FLT1: variants seen among roughly 807,000 people sequenced by gnomAD.
The protein encoded by FLT1 is fms related receptor tyrosine kinase 1.
A neutral mutation model predicts 156.3 loss-of-function variants in FLT1; 49 were observed. The observed-to-expected ratio is 0.31, with a 90% confidence interval of 0.25 to 0.40. The LOEUF is 0.40. Ranked by LOEUF, FLT1 falls within the 10% of genes least tolerant of loss-of-function variation. The pLI is 1.00. For missense variants in FLT1, 1,322 were observed against 1,637.2 expected, an observed-to-expected ratio of 0.81 and a Z score of 3.32; for synonymous variants, 594 against 583.8, an observed-to-expected ratio of 1.02 and a Z score of -0.25.
At chr13:28,323,787 G>A (rs1221975090) in intron 20 of FLT1, among the ~76,000 whole-genome samples, 1 of 152,110 alleles carries the variant, frequency 6.6e-6, no homozygotes, top group African/African-American at 2.4e-5. Context: ...CAGTGTGCTT[G>A]GTGCTTCACT....
At chr13:28,409,419 T>A (rs1379076083) in intron 10 of FLT1, among the ~76,000 whole-genome samples, 1 of 151,888 alleles carries the variant, frequency 6.6e-6, no homozygotes, top group African/African-American at 2.4e-5. Context: ...ATTACAGCCT[T>A]GACCTCCTGG....
rs906096625 is a variant in FLT1, at chr13:28,453,845, C to T, written c.388+13058G>A. 3.1e-4 allele frequency among the ~76,000 whole-genome samples: 47 copies of T among 152,134 alleles called. 2 individuals are homozygous for T. Among genetic ancestry groups the T allele is most frequent in the Non-Finnish European group, 8.8e-5 (6 of 68,014 alleles). ...TGTGTACTATACCCTGTGCTGGGTC[C>T]TGGGGCTATCATGGTAAGCAGGACG... On this transcript the variant is annotated intron_variant, in intron 3 of 29. Coordinates refer to ENST00000282397, the MANE Select transcript of FLT1 (RefSeq NM_002019.4).
chr13:28,481,228 G>A lies in FLT1; in HGVS notation c.64+13552C>T, dbSNP rs569714558. 7.9e-5 allele frequency among the ~76,000 whole-genome samples: 12 copies of A among 152,208 alleles called. No homozygotes were observed. The South Asian group carries it at 2.5e-3, about 32-fold the overall frequency. ...GCTCATCTCAAGGAAAATATCTCCT[G>A]GGAAGCAATTCTCTAGAAGATGGGC... On this transcript the variant is annotated intron_variant, in intron 1 of 29. Coordinates refer to ENST00000282397, the MANE Select transcript of FLT1 (RefSeq NM_002019.4).
intron 4 of FLT1, among the ~76,000 whole-genome samples, chr13:28,437,216 G>C (rs906416433): frequency 2.6e-5 from 4 of 152,188 alleles, no homozygotes; most frequent in African/African-American, 9.7e-5. Context: ...CACAAATGTA[G>C]TGGAGGCCAA....
At chr13:28,477,029 T>A (rs1880589208) in intron 1 of FLT1, among the ~76,000 whole-genome samples, 1 of 152,214 alleles carries the variant, frequency 6.6e-6, no homozygotes, top group South Asian at 2.1e-4. Flanking sequence ...TCATTTTTCC[T>A]TAAGCTTCAG....
At chr13:28,321,688 T>A (rs1871468238) in intron 22 of FLT1, 103 bp from the exon 23 acceptor site, 2 of 1,196,260 alleles carry the variant, frequency 1.7e-6, no homozygotes. Context: ...CCATTTCACA[T>A]GCTGTGAAGG....
intron 13 of FLT1, chr13:28,388,711 T>A (rs1874519565): frequency 9.5e-7 from 1 of 1,057,432 alleles, no homozygotes; most frequent in African/African-American, 1.6e-5. Flanking sequence ...AGTGGACTTT[T>A]TTAAAGGGCA....
At chr13:28,377,255 T>G (rs575429458) in intron 14 of FLT1, among the ~76,000 whole-genome samples, 2 of 152,324 alleles carry the variant, frequency 1.3e-5, no homozygotes, top group South Asian at 4.1e-4. Context: ...CAGTTCTAAT[T>G]TGGAGCCCCT....
At chr13:28,461,809 C>G (rs1239366656) in intron 3 of FLT1, among the ~76,000 whole-genome samples, 1 of 151,998 alleles carries the variant, frequency 6.6e-6, no homozygotes, top group African/African-American at 2.4e-5. Context: ...AGTTATATAC[C>G]CAATGTGTCC....
chr13:28,317,342 G>A (rs746754470), intron 25 of FLT1, among the ~76,000 whole-genome samples, 156 bp downstream of exon 25: 5 of 152,226 alleles, frequency 3.3e-5, no homozygotes, highest in Non-Finnish European at 5.9e-5. Flanking sequence ...CAGCATATCT[G>A]GGCCTGATGG....
intron 1 of FLT1, among the ~76,000 whole-genome samples, chr13:28,477,925 T>A (rs1880641041): frequency 6.6e-6 from 1 of 152,230 alleles, no homozygotes; most frequent in Non-Finnish European, 1.5e-5. Flanking sequence ...TCAGTGGAGA[T>A]GCCATTTCAA....
chr13:28,457,622 A>G (rs772654183), intron 3 of FLT1, among the ~76,000 whole-genome samples: 48 of 152,344 alleles, frequency 3.2e-4, no homozygotes, highest in Middle Eastern at 6.8e-3. Context: ...GAAGGACCAT[A>G]AAGATAAAAA....
At chr13:28,427,527 C>A (rs1877418195) in intron 9 of FLT1, among the ~76,000 whole-genome samples, 1 of 152,036 alleles carries the variant, frequency 6.6e-6, no homozygotes, top group Non-Finnish European at 1.5e-5. Context: ...AATTTGATTC[C>A]ATGGTATGTA....
rs1324605560 is a variant in FLT1 at position 28,322,409 on chromosome 13, C to T, written c.2954-50G>A. 3 of 1,166,752 alleles carry T rather than the reference C, an allele frequency of 2.6e-6. No individual in the cohort carries two copies. Among genetic ancestry groups the T allele is most frequent in the African/African-American group, 1.5e-5 (1 of 66,446 alleles). The allele number at this position is 1,166,752 out of a possible 1,614,324, so 72.3% of individuals were successfully genotyped here. On this transcript the variant is annotated intron_variant, in intron 21 of 29. Transcript: ENST00000282397. The surrounding 1 kb of genome is among the most constrained non-coding windows in gnomAD (Gnocchi z 4.3). ...GTTTGTAATGGCTCTTGTTATCCCA[C>T]CAAATCCCAGTTTATTGGAACAATG...
intron 29 of FLT1, among the ~76,000 whole-genome samples, chr13:28,306,320 G>A (rs961908670): frequency 1.2e-4 from 19 of 152,272 alleles, no homozygotes; most frequent in East Asian, 7.7e-4. Flanking sequence ...GAACCCTGCC[G>A]GCATAGGGAG....
intron 3 of FLT1, among the ~76,000 whole-genome samples, chr13:28,451,653 C>A (rs186545532): frequency 6.6e-6 from 1 of 151,874 alleles, no homozygotes; most frequent in South Asian, 2.1e-4. Flanking sequence ...TGGAGGAGGG[C>A]AGTTGAGGGG....
At chr13:28,479,212 C>T (rs1880707472) in intron 1 of FLT1, among the ~76,000 whole-genome samples, 1 of 152,122 alleles carries the variant, frequency 6.6e-6, no homozygotes, top group Non-Finnish European at 1.5e-5. Flanking sequence ...TAAAGTTATC[C>T]ATCATAGGGG....
intron 3 of FLT1, among the ~76,000 whole-genome samples, chr13:28,458,674 G>GT (rs1555243174): frequency 4.6e-5 from 7 of 152,240 alleles, no homozygotes; most frequent in Non-Finnish European, 1.0e-4. Flanking sequence ...CTCCCTTAGT[G>GT]TTTAATGACA....
intron 1 of FLT1, among the ~76,000 whole-genome samples, chr13:28,477,677 T>C (rs1328092180): frequency 6.6e-6 from 1 of 152,200 alleles, no homozygotes; most frequent in Non-Finnish European, 1.5e-5. Flanking sequence ...CTTGGACACA[T>C]CTCTGTTTTC....
Sources: gnomAD v4.1 joint callset for allele counts (sites outside exome capture counted in the v4.1 genomes callset) on GRCh38, gnomAD v4.1.1 for gene constraint, Gnocchi (gnomAD v3.1) non-coding constraint, MANE v1.5 for transcripts, NCBI Gene and HGNC (gene_info 2026-07-23, HGNC 2026-07-21) for gene names.